COL22A1: variants seen among roughly 807,000 people sequenced by gnomAD.
The protein encoded by COL22A1 is collagen type XXII alpha 1 chain, also known as collagen alpha-1(XXII) chain.
COL22A1 carries 221 observed loss-of-function variants against 248.9 expected under a neutral mutation model. The ratio of observed to expected loss-of-function variants is 0.89; its 90% CI spans 0.80 to 0.99. The LOEUF is 0.99. Among genes scored for constraint, COL22A1 ranks in the 50% least tolerant of loss-of-function variants. The pLI, the probability that COL22A1 is intolerant of heterozygous loss-of-function variation, is 0.00. For synonymous variants in COL22A1, 891 were observed against 793.4 expected (o/e 1.12, Z -2.07); for missense variants, 2,240 against 2,179.0 (o/e 1.03, Z -0.56).
intron 3 of COL22A1, among the ~76,000 whole-genome samples, chr8:138,866,363 T>TTTTTTTTTTTTTTTTTTTTTTTTTGAG (rs1822891435): frequency 6.6e-6 from 1 of 152,236 alleles, no homozygotes; most frequent in African/African-American, 2.4e-5. Context: ...ATGAATTTCT[T>TTTTTTTTTTTTTTTTTTTTTTTTTGAG]ACATAAATGC....
intron 1 of COL22A1, among the ~76,000 whole-genome samples, chr8:138,883,669 C>T (rs1962444): frequency 0.13 from 20,374 of 152,058 alleles, 1,387 homozygotes; most frequent in African/African-American, 0.17. Context: ...TGAGTGAGTT[C>T]TCAGGAGATC....
At chr8:138,797,286 A>C (rs1816631036) in intron 11 of COL22A1, among the ~76,000 whole-genome samples, 1 of 152,178 alleles carries the variant, frequency 6.6e-6, no homozygotes, top group Non-Finnish European at 1.5e-5. Flanking sequence ...GGAAAACATT[A>C]ATCTGTTTTC....
intron 4 of COL22A1, among the ~76,000 whole-genome samples, chr8:138,837,173 A>C (rs1248646048): frequency 2.0e-5 from 3 of 152,188 alleles, no homozygotes; most frequent in East Asian, 1.9e-4. Context: ...TGGGGACCAC[A>C]GTGGGAACCT....
intron 21 of COL22A1, among the ~76,000 whole-genome samples, chr8:138,754,880 C>T (rs1832867250): frequency 6.6e-6 from 1 of 152,240 alleles, no homozygotes; most frequent in Admixed American, 6.5e-5. Context: ...AAACCCCCAT[C>T]ATGGCCCGCT....
At chr8:138,802,762 C>A in intron 11 of COL22A1, 110 bp downstream of exon 11, 1 of 844,404 alleles carries the variant, frequency 1.2e-6, no homozygotes. Flanking sequence ...TAGTGCCTGG[C>A]CCCTGCCAGG....
At position 138,649,739 on chromosome 8, in the gene COL22A1, G is replaced by C; in HGVS notation, c.3373C>G (p.Pro1125Ala). 1 of 1,608,294 alleles carries C rather than the reference G, an allele frequency of 6.2e-7. No homozygotes were observed. ...TCCCCTTTAAAACCTGGTAGACCAG[G>C]GAGGCCTGGGGGGCCAGGAGGGCAG... ...NDCPPGPPGL[P>A]GLPGFKGDKG... The change falls in exon 46 of 65, where the codon CCT becomes GCT. Residue 1125 changes from proline (P) to alanine (A), a missense_variant. Transcript: ENST00000303045.
Position 138,589,345 on chromosome 8 carries a change from C to T in COL22A1, c.4789G>A (p.Gly1597Arg). The change falls in exon 65 of 65, where the codon GGA (glycine) becomes AGA (arginine). Residue 1597 changes from glycine to arginine, a missense_variant. By Grantham distance (125) the Gly-to-Arg change is moderately radical. Coordinates refer to ENST00000303045, the MANE Select transcript of COL22A1 (RefSeq NM_152888.3). ...TGPAGHPGLP[G>R]PPGPPGQCDP... ...CATTGGCCTGGGGGACCGGGAGGTC[C>T]TGGGAGGCCAGGATGTCCAGCTGGT... 6.2e-7 allele frequency: 1 copy of T among 1,611,858 alleles called. No individual in the cohort carries two copies. Among genetic ancestry groups the T allele is most frequent in the Non-Finnish European group, 8.5e-7 (1 of 1,178,958 alleles).
chr8:138,817,561 C>T (rs1818775033), intron 7 of COL22A1, among the ~76,000 whole-genome samples: 1 of 152,170 alleles, frequency 6.6e-6, no homozygotes, highest in African/African-American at 2.4e-5. Context: ...TTCTACTATA[C>T]TAGGGTGTTG....
At chr8:138,665,799 GA>G (rs893083019) in intron 41 of COL22A1, among the ~76,000 whole-genome samples, 193 of 149,794 alleles carry the variant, frequency 1.3e-3, no homozygotes, top group African/African-American at 4.5e-3. Context: ...ATTACATATA[GA>G]AAAAAAAAGA....
At chr8:138,595,002 G>A (rs1817404842) in intron 62 of COL22A1, among the ~76,000 whole-genome samples, 1 of 152,134 alleles carries the variant, frequency 6.6e-6, no homozygotes, top group South Asian at 2.1e-4. Flanking sequence ...GGGGATATAT[G>A]CACATCTGGT....
At chr8:138,594,830 T>C (rs1247881589) in intron 62 of COL22A1, among the ~76,000 whole-genome samples, 2 of 152,172 alleles carry the variant, frequency 1.3e-5, no homozygotes, top group African/African-American at 4.8e-5. Flanking sequence ...CACAAAGCTA[T>C]GTTGGTCACT....
At chr8:138,658,940 G>A (rs1027647819) in intron 44 of COL22A1, among the ~76,000 whole-genome samples, 1 of 151,384 alleles carries the variant, frequency 6.6e-6, no homozygotes, top group African/African-American at 2.4e-5. Flanking sequence ...GCTGCTGACC[G>A]CCTGAGAGAC....
intron 50 of COL22A1, 83 bp from the exon 51 acceptor site, chr8:138,626,326 A>G: frequency 9.1e-7 from 1 of 1,102,196 alleles, no homozygotes; most frequent in Non-Finnish European, 1.4e-6. Context: ...AACTGCATTC[A>G]TGGGTTGGGG....
At chr8:138,829,403 GT>G (rs765618552) in intron 5 of COL22A1, among the ~76,000 whole-genome samples, 126 of 90,654 alleles carry the variant, frequency 1.4e-3, no homozygotes, top group African/African-American at 3.9e-3. Context: ...TTCCTTTCCT[GT>G]TTTTTTTTTT....
In COL22A1 at chr8:138,703,427, A is replaced by G. The variant is rs1394149745; in HGVS notation, c.2518-80T>C. ...ATGCTGCAACAGATCAGCTAACACT[A>G]TTTTCCCCAGACAACAGAAGGTGTT... is the stretch of plus-strand genomic sequence containing the variant. On this transcript the variant is annotated intron_variant, in intron 30 of 64. Transcript: ENST00000303045. 10 of 1,343,138 alleles carry G rather than the reference A, an allele frequency of 7.4e-6. No homozygotes were observed. The East Asian group carries it at 9.2e-5, about 12-fold the overall frequency. The allele number at this position is 1,343,138 out of a possible 1,614,324, so 83.2% of individuals were successfully genotyped here.
intron 32 of COL22A1, among the ~76,000 whole-genome samples, chr8:138,695,732 G>C (rs1436147137): frequency 2.0e-5 from 3 of 152,084 alleles, no homozygotes; most frequent in Non-Finnish European, 4.4e-5. Context: ...CATCCAGGGT[G>C]CCCAACACAT....
intron 21 of COL22A1, among the ~76,000 whole-genome samples, chr8:138,753,404 A>T (rs553052380): frequency 6.6e-6 from 1 of 152,220 alleles, no homozygotes; most frequent in Non-Finnish European, 1.5e-5. Context: ...AGGGAATCTT[A>T]TCACTAACAT....
At chr8:138,692,979 G>GTGC in intron 35 of COL22A1, among the ~76,000 whole-genome samples, 1 of 152,252 alleles carries the variant, frequency 6.6e-6, no homozygotes, top group Admixed American at 6.5e-5. Flanking sequence ...GACCAGACGT[G>GTGC]TGCTGCTGCT....
intron 40 of COL22A1, among the ~76,000 whole-genome samples, chr8:138,679,016 A>G (rs1825769384): frequency 6.6e-6 from 1 of 152,154 alleles, no homozygotes; most frequent in Admixed American, 6.6e-5. Flanking sequence ...CTCAAGTTCA[A>G]GCAATCCTCC....
Sources: gnomAD v4.1 joint callset for allele counts (sites outside exome capture counted in the v4.1 genomes callset) on GRCh38, gnomAD v4.1.1 for gene constraint, MANE v1.5 for transcripts, NCBI Gene and HGNC (gene_info 2026-07-23, HGNC 2026-07-21) for gene names.